Variants in WDR37 observed in about 807,000 individuals in gnomAD.
WDR37 encodes WD repeat domain 37, also known as WD repeat-containing protein 37.
WDR37 carries 19 observed loss-of-function variants against 62.9 expected under a neutral mutation model. That is an observed-to-expected ratio of 0.30 (90% CI 0.21 to 0.44). The LOEUF is 0.44. Among genes scored for constraint, WDR37 ranks in the 20% least tolerant of loss-of-function variants. The probability of loss-of-function intolerance (pLI) is 1.00; values close to 1 mark genes in which losing one functional copy is unlikely to be tolerated. For synonymous variants in WDR37, 250 were observed against 260.9 expected (o/e 0.96, Z 0.40); for missense variants, 474 against 657.6 (o/e 0.72, Z 3.05).
At chr10:1,074,235 C>T (rs1670373250) in intron 2 of WDR37, 1 of 921,896 alleles carries the variant, frequency 1.1e-6, no homozygotes, top group Non-Finnish European at 1.4e-6. Context: ...AGTGGAAACC[C>T]TGCAGCCTCC....
chr10:1,110,635 A>G (rs958167967), intron 11 of WDR37, among the ~76,000 whole-genome samples: 2 of 152,214 alleles, frequency 1.3e-5, no homozygotes, highest in African/African-American at 4.8e-5. Context: ...AGGAATGGCC[A>G]GGTTGTGTGT....
chr10:1,104,469 C>T (rs1834938275), intron 10 of WDR37, among the ~76,000 whole-genome samples: 1 of 152,368 alleles, frequency 6.6e-6, no homozygotes, highest in African/African-American at 2.4e-5. Flanking sequence ...AACTCTCCAA[C>T]TTCTGGGACC....
intron 9 of WDR37, among the ~76,000 whole-genome samples, chr10:1,099,271 C>G (rs1834708480): frequency 6.6e-6 from 1 of 152,192 alleles, no homozygotes; most frequent in African/African-American, 2.4e-5. Flanking sequence ...CGTGATCTTC[C>G]CACGTGCTCA....
chr10:1,059,841 C>CT (rs1475198153), intron 1 of WDR37, among the ~76,000 whole-genome samples: 1 of 152,100 alleles, frequency 6.6e-6, no homozygotes, highest in Non-Finnish European at 1.5e-5. Context: ...GAGCAGAAAG[C>CT]TAAGTGTTCA....
chr10:1,069,389 A>ATATATATATATATATATATATT, intron 1 of WDR37, among the ~76,000 whole-genome samples: 1 of 95,806 alleles, frequency 1.0e-5, no homozygotes, highest in Admixed American at 1.2e-4. Flanking sequence ...ATATATATAT[A>ATATATATATATATATATATATT]TTTTTTTTTT....
At chr10:1,118,739 A>G (rs1835480957) in intron 11 of WDR37, among the ~76,000 whole-genome samples, 1 of 152,032 alleles carries the variant, frequency 6.6e-6, no homozygotes, top group African/African-American at 2.4e-5. Flanking sequence ...AAAAAAGACT[A>G]TTTCGTGTGT....
intron 11 of WDR37, among the ~76,000 whole-genome samples, chr10:1,108,650 T>G (rs1202700631): frequency 6.6e-6 from 1 of 152,118 alleles, no homozygotes; most frequent in South Asian, 2.1e-4. Context: ...GCACTGTGTT[T>G]TTTGAGTATT....
At chr10:1,064,375 A>G (rs1203447870) in intron 1 of WDR37, among the ~76,000 whole-genome samples, 1 of 152,106 alleles carries the variant, frequency 6.6e-6, no homozygotes, top group Admixed American at 6.6e-5. Context: ...GGGTGGGGGG[A>G]AAACGTGTCT....
intron 11 of WDR37, among the ~76,000 whole-genome samples, chr10:1,117,902 C>T (rs1038751150): frequency 3.3e-5 from 5 of 149,684 alleles, no homozygotes; most frequent in East Asian, 2.0e-4. Context: ...AGTCCCTGCA[C>T]GCATCTGAGC....
chr10:1,126,351 AGC>A (rs1835766498), intron 13 of WDR37, among the ~76,000 whole-genome samples: 1 of 149,382 alleles, frequency 6.7e-6, no homozygotes, highest in Non-Finnish European at 1.5e-5. Flanking sequence ...GCTTGCAGTG[AGC>A]TGAGATCGCG....
At chr10:1,085,059 C>T (rs1337568175) in intron 6 of WDR37, among the ~76,000 whole-genome samples, 2 of 152,262 alleles carry the variant, frequency 1.3e-5, no homozygotes, top group Non-Finnish European at 1.5e-5. Context: ...CCACCTCCTG[C>T]GTTCAAGCGA....
At chr10:1,098,067 T>C (rs2131649058) in intron 9 of WDR37, among the ~76,000 whole-genome samples, 1 of 152,244 alleles carries the variant, frequency 6.6e-6, no homozygotes, top group East Asian at 1.9e-4. Flanking sequence ...GGATATGAAT[T>C]TGGGGGAGGC....
At chr10:1,107,487 G>A (rs1707060761) in intron 11 of WDR37, among the ~76,000 whole-genome samples, 1 of 152,270 alleles carries the variant, frequency 6.6e-6, no homozygotes, top group Non-Finnish European at 1.5e-5. Flanking sequence ...GTAGTACAGT[G>A]TACCCACAAA....
intron 7 of WDR37, among the ~76,000 whole-genome samples, chr10:1,087,869 A>G (rs1002198329): frequency 9.9e-5 from 15 of 152,226 alleles, no homozygotes; most frequent in African/African-American, 3.6e-4. Flanking sequence ...GGAAAGTACT[A>G]GACAGCATAT....
chr10:1,058,298 A>C (rs758908780), intron 1 of WDR37, among the ~76,000 whole-genome samples: 20 of 152,324 alleles, frequency 1.3e-4, no homozygotes, highest in Admixed American at 2.6e-4. Flanking sequence ...CTTACTGGGA[A>C]GGTTACGTTA....
intron 1 of WDR37, among the ~76,000 whole-genome samples, chr10:1,060,214 G>A (rs1390621323): frequency 6.6e-6 from 1 of 152,178 alleles, no homozygotes; most frequent in Non-Finnish European, 1.5e-5. Context: ...TTAATTAGTC[G>A]AATGTTTGGC....
chr10:1,078,278 G>C (rs187603434), intron 3 of WDR37, among the ~76,000 whole-genome samples: 12 of 152,236 alleles, frequency 7.9e-5, no homozygotes, highest in African/African-American at 2.6e-4. Flanking sequence ...ACCATAAATT[G>C]AGAAAACATT....
intron 12 of WDR37, 30 bp downstream of exon 12, chr10:1,124,382 G>A: frequency 6.2e-7 from 1 of 1,613,464 alleles, no homozygotes; most frequent in Non-Finnish European, 8.5e-7. Flanking sequence ...TAAGTAAGTG[G>A]CTTAGTTTGA....
chr10:1,100,562 G>C (rs1227175207), intron 9 of WDR37, among the ~76,000 whole-genome samples: 1 of 152,224 alleles, frequency 6.6e-6, no homozygotes, highest in Non-Finnish European at 1.5e-5. Context: ...TTGGGCAAAC[G>C]TCTTGTGTTT....
Sources: allele counts gnomAD v4.1 joint callset (sites outside exome capture counted in the v4.1 genomes callset), GRCh38; gene constraint gnomAD v4.1.1; transcripts MANE v1.5; gene names NCBI Gene and HGNC (gene_info 2026-07-23, HGNC 2026-07-21).